The following SLC36A1 variants were observed in gnomAD, a reference collection of about 807,000 sequenced individuals.
SLC36A1 encodes proton-coupled amino acid transporter 1.
Under a neutral mutation model 47.5 loss-of-function variants are expected in SLC36A1, and 30 were observed. The observed-to-expected ratio is 0.63, with a 90% CI of 0.47 to 0.86. SLC36A1 has a LOEUF of 0.86. SLC36A1 is among the 40% of genes least tolerant of loss of function. SLC36A1 has a pLI of 0.00. For synonymous variants in SLC36A1, 255 were observed against 249.7 expected (o/e 1.02, Z -0.20); for missense variants, 517 against 606.0 (o/e 0.85, Z 1.54).
At chr5:151,346,423 T>C in the SLC36A1 span, among the ~76,000 whole-genome samples, 32 of 152,208 alleles carry the variant, frequency 2.1e-4, no homozygotes, top group Middle Eastern at 3.4e-3. Flanking sequence ...CATCCTCCGA[T>C]TTTGTTTCCA....
the SLC36A1 span, chr5:151,512,322 G>A: frequency 6.2e-6 from 10 of 1,614,060 alleles, no homozygotes; most frequent in South Asian, 2.2e-5. The surrounding 1 kb of genome is among the most constrained non-coding windows in gnomAD (Gnocchi z 4.1). Context: ...CGTTGACCAC[G>A]ACAGCATCCA....
At chr5:151,356,339 C>CAAAAAAAAAAAAAAAAAAAAAAAAAAA in the SLC36A1 span, among the ~76,000 whole-genome samples, 126 of 51,288 alleles carry the variant, frequency 2.5e-3, 7 homozygotes, top group East Asian at 6.2e-3. Flanking sequence ...CTCTGTCTCA[C>CAAAAAAAAAAAAAAAAAAAAAAAAAAA]AAAAAAAAAA....
chr5:151,366,034 A>T, the SLC36A1 span, among the ~76,000 whole-genome samples: 7 of 152,354 alleles, frequency 4.6e-5, no homozygotes, highest in South Asian at 1.2e-3. Context: ...AAACAGTAAA[A>T]TAATGAAAAT....
At chr5:151,414,514 A>T in the SLC36A1 span, among the ~76,000 whole-genome samples, 1 of 152,216 alleles carries the variant, frequency 6.6e-6, no homozygotes, top group Non-Finnish European at 1.5e-5. Context: ...TTCAAGTTGA[A>T]AAAATATCCT....
At chr5:151,457,856 T>TTG (rs939523850) in intron 1 of SLC36A1, among the ~76,000 whole-genome samples, 4 of 150,380 alleles carry the variant, frequency 2.7e-5, no homozygotes, top group East Asian at 1.9e-4. Flanking sequence ...GTTTGTTTGT[T>TTG]TTTTTTTTTG....
chr5:151,467,906 T>A lies in SLC36A1; in HGVS notation c.704T>A (p.Ile235Asn). The A allele has an allele frequency of 5.6e-6, 9 of 1,613,654 alleles. No homozygotes were observed. The highest frequency in any genetic ancestry group is 7.6e-6 in the Non-Finnish European group (9 of 1,179,828). Residue 235 changes from isoleucine (I) to asparagine (N), a missense_variant, in exon 7 of 11, where the codon ATC becomes AAC. Ile to Asn is a moderately radical substitution (Grantham distance 149). Transcript: ENST00000243389. ...ACCATGCTGGTCAGCTTGGTCATGA[T>A]CTACCAGTTCATTGTTCAGGTACAT... ...NITMLVSLVM[I>N]YQFIVQRIPD...
chr5:151,360,710 C>T, the SLC36A1 span, among the ~76,000 whole-genome samples: 7 of 152,172 alleles, frequency 4.6e-5, no homozygotes, highest in Non-Finnish European at 1.0e-4. Flanking sequence ...TAGAAAGGTC[C>T]ATTTTGTTAG....
At chr5:151,509,937 C>T in the SLC36A1 span, 10 of 1,494,402 alleles carry the variant, frequency 6.7e-6, no homozygotes, top group Non-Finnish European at 9.2e-6. Flanking sequence ...CTCCCCTGGC[C>T]TCCCATTGGA....
At chr5:151,397,331 C>T in the SLC36A1 span, among the ~76,000 whole-genome samples, 15 of 152,080 alleles carry the variant, frequency 9.9e-5, no homozygotes, top group South Asian at 2.1e-4. Flanking sequence ...AAGCGGGGAG[C>T]GGAACAAAAA....
the SLC36A1 span, among the ~76,000 whole-genome samples, chr5:151,365,873 C>T: frequency 6.6e-6 from 1 of 152,256 alleles, no homozygotes; most frequent in East Asian, 1.9e-4. Flanking sequence ...CCACAGTGTG[C>T]CTCCATTGGT....
At chr5:151,543,006 C>T in the SLC36A1 span, 1 of 1,614,206 alleles carries the variant, frequency 6.2e-7, no homozygotes, top group East Asian at 2.2e-5. Flanking sequence ...CAATTTCAGA[C>T]CCCTCTGGAA....
the SLC36A1 span, among the ~76,000 whole-genome samples, chr5:151,418,565 GC>G: frequency 1.3e-5 from 2 of 152,130 alleles, no homozygotes; most frequent in Non-Finnish European, 2.9e-5. Context: ...GGAGCCTGTA[GC>G]CCCTTTGTTT....
chr5:151,492,079 T>C lies in SLC36A1; in HGVS notation c.*3825T>C, dbSNP rs1315517944. On this transcript the variant is annotated 3_prime_UTR_variant, in exon 11 of 11. Coordinates refer to ENST00000243389, the MANE Select transcript of SLC36A1 (RefSeq NM_078483.4). ...GGTGCAGGGTGCCTGTCATTCACTG[T>C]GTTATTTGGTTTAAATCAAAGTGAT... 6.6e-6 allele frequency: 1 copy of C among 152,174 alleles called. No homozygotes were observed. The highest frequency in any genetic ancestry group is 2.4e-5 in the African/African-American group (1 of 41,440). The allele number at this position is 152,174 out of a possible 1,614,324, so 9.4% of individuals were successfully genotyped here.
rs1190335490 is a variant in SLC36A1, at chr5:151,490,427, A to G, written c.*2173A>G. 2.6e-5 allele frequency: 4 copies of G among 152,336 alleles called. No homozygotes were observed. The highest frequency in any genetic ancestry group is 5.9e-5 in the Non-Finnish European group (4 of 68,150). 9.4% of individuals were successfully genotyped at this position (152,336 alleles called of 1,614,324 possible). The stretch of plus-strand genomic sequence containing the variant: ...GGAGGGCCAGACCTGTGTCCTGCCC[A>G]TGTCCTCCTTGGTGGACGTTTCTGT... On this transcript the variant is annotated 3_prime_UTR_variant, in exon 11 of 11. Coordinates refer to ENST00000243389, the MANE Select transcript of SLC36A1 (RefSeq NM_078483.4).
intron 2 of SLC36A1, 130 bp downstream of exon 2, chr5:151,459,065 C>A: frequency 3.0e-6 from 3 of 1,001,000 alleles, no homozygotes; most frequent in South Asian, 2.0e-5. Context: ...AGAGATTGGG[C>A]GAGTGACTGC....
chr5:151,433,245 T>TAC (rs1315193832), upstream of SLC36A1, among the ~76,000 whole-genome samples: 11 of 13,360 alleles, frequency 8.2e-4, no homozygotes, highest in African/African-American at 2.9e-3. Flanking sequence ...TATATATATA[T>TAC]ATATATATAT....
rs36112231 is a variant in SLC36A1 at position 151,479,371 on chromosome 5, C to T, written c.1041C>T (p.Tyr347=). 683 of 1,614,222 alleles carry T rather than the reference C, an allele frequency of 4.2e-4. 3 individuals are homozygous for T. In the African/African-American group the frequency reaches 8.1e-3, roughly 19 times the overall value. ...LLYSIGIFFT[Y]ALQFYVPAEI... is the part of the protein sequence containing the mutation. The stretch of plus-strand genomic sequence containing the variant: ...ACTCCATCGGGATCTTTTTCACCTA[C>T]GCACTCCAGTTCTACGTCCCGGCTG... The change falls in exon 10 of 11, where the codon TAC becomes TAT. Residue 347 remains tyrosine, a synonymous_variant. Coordinates refer to ENST00000243389, the MANE Select transcript of SLC36A1 (RefSeq NM_078483.4).
intron 7 of SLC36A1, among the ~76,000 whole-genome samples, chr5:151,473,216 AGATAGAT>A (rs1561768264): frequency 1.1e-3 from 170 of 151,442 alleles, no homozygotes; most frequent in Middle Eastern, 3.4e-3. Context: ...ATAGATAGAT[AGATAGAT>A]AGAATATATA....
At chr5:151,534,600 TC>T in the SLC36A1 span, 2 of 1,613,962 alleles carry the variant, frequency 1.2e-6, no homozygotes, top group Non-Finnish European at 1.7e-6. Flanking sequence ...GTTGAACACA[TC>T]CTTCCTTTCT....
Sources: allele counts gnomAD v4.1 joint callset (sites outside exome capture counted in the v4.1 genomes callset), GRCh38; gene constraint gnomAD v4.1.1; non-coding constraint Gnocchi (gnomAD v3.1); transcripts MANE v1.5; gene names NCBI Gene and HGNC (gene_info 2026-07-23, HGNC 2026-07-21).